AFF1: variants seen among roughly 807,000 people sequenced by gnomAD.
AFF1 encodes the protein AF4/FMR2 family member 1.
In AFF1, 48 loss-of-function variants were observed where a neutral mutation model predicts 121.7. That is an observed-to-expected ratio of 0.39 (90% confidence interval 0.31 to 0.50). The LOEUF (loss-of-function observed/expected upper bound fraction) is 0.50, where lower values mean the gene tolerates loss of function less well. AFF1 is among the 20% of genes least tolerant of loss of function. The pLI is 0.76. For synonymous variants in AFF1, 613 were observed against 563.0 expected (o/e 1.09, Z -1.26); for missense variants, 1,523 against 1,511.7 (o/e 1.01, Z -0.12).
chr4:87,042,689 A>G (rs576779910), intron 2 of AFF1, among the ~76,000 whole-genome samples: 1 of 152,378 alleles, frequency 6.6e-6, no homozygotes, highest in South Asian at 2.1e-4. Context: ...GGGTTTAAAA[A>G]AATTTTTTTG....
At chr4:87,121,934 C>A (rs1476038939) in intron 12 of AFF1, among the ~76,000 whole-genome samples, 1 of 152,212 alleles carries the variant, frequency 6.6e-6, no homozygotes, top group Non-Finnish European at 1.5e-5. Flanking sequence ...CTTATAGTCA[C>A]AACCAGCATG....
intron 2 of AFF1, among the ~76,000 whole-genome samples, chr4:86,986,115 C>T (rs1224062765): frequency 6.6e-6 from 1 of 150,646 alleles, no homozygotes; most frequent in Admixed American, 6.7e-5. Flanking sequence ...CTCTGTTGCC[C>T]AGGCTGGAGT....
At chr4:87,094,534 A>G (rs1477506970) in intron 7 of AFF1, among the ~76,000 whole-genome samples, 1 of 152,144 alleles carries the variant, frequency 6.6e-6, no homozygotes, top group African/African-American at 2.4e-5. Flanking sequence ...GTCTAAAGAG[A>G]GTGATAACAA....
chr4:87,094,156 TC>T (rs1724593713), intron 7 of AFF1, among the ~76,000 whole-genome samples: 1 of 152,158 alleles, frequency 6.6e-6, no homozygotes, highest in Non-Finnish European at 1.5e-5. Flanking sequence ...GTTCCCACTG[TC>T]CTCTCTCTCT....
At chr4:87,026,740 C>T (rs957542208) in intron 2 of AFF1, among the ~76,000 whole-genome samples, 2 of 152,030 alleles carry the variant, frequency 1.3e-5, no homozygotes, top group South Asian at 2.1e-4. Context: ...AAATAATGGG[C>T]GAAGGGAGAT....
rs1365036322 is a variant in AFF1 at position 86,948,558 on chromosome 4, A to T, written c.25A>T (p.Ser9Cys). 2 of 1,536,990 alleles carry T rather than the reference A, an allele frequency of 1.3e-6. No individual in the cohort carries two copies. Among genetic ancestry groups the T allele is most frequent in the East Asian group, 4.9e-5 (2 of 40,880 alleles). MAFTERVN[S>C]SGNSLYNDDR... ...AATGGCATTTACAGAAAGAGTCAAC[A>T]GCAGTGGCAACAGGTAAGCATAGAA... Residue 9 changes from serine to cysteine, a missense_variant, in exon 2 of 21, where the codon AGC becomes TGC. Physicochemically the swap from Ser to Cys is moderately radical, Grantham distance 112. Coordinates refer to ENST00000395146, the MANE Select transcript of AFF1 (RefSeq NM_001166693.3).
chr4:87,112,824 G>A (rs914944842), intron 11 of AFF1, among the ~76,000 whole-genome samples: 5 of 152,132 alleles, frequency 3.3e-5, no homozygotes, highest in East Asian at 3.8e-4. Flanking sequence ...CCACCTCCCC[G>A]AGTGGATCTT....
chr4:87,127,631 CCT>C lies in AFF1; in HGVS notation c.2904-9_2904-8del. 1 of 1,613,740 alleles carries C rather than the reference CCT, an allele frequency of 6.2e-7. No homozygotes were observed. Among genetic ancestry groups the C allele is most frequent in the Non-Finnish European group, 8.5e-7 (1 of 1,179,888 alleles). ...CTCATATGACCTGTCCCTGGTTTTT[CCT>C]CTTTTTCAGACAACAAGCAGACCTT... On this transcript the variant is annotated splice_polypyrimidine_tract_variant and intron_variant, in intron 15 of 20. Coordinates refer to ENST00000395146, the MANE Select transcript of AFF1 (RefSeq NM_001166693.3).
chr4:86,984,248 G>A (rs1287708025), intron 2 of AFF1, among the ~76,000 whole-genome samples: 2 of 150,532 alleles, frequency 1.3e-5, no homozygotes, highest in African/African-American at 2.4e-5. Flanking sequence ...TTTCATAGTC[G>A]TTTCTATGGT....
chr4:87,127,021 T>G lies in AFF1; in HGVS notation c.2812-5T>G. The G allele has an allele frequency of 6.2e-7, 1 of 1,613,194 alleles. No homozygotes were observed. Among genetic ancestry groups the G allele is most frequent in the Non-Finnish European group, 8.5e-7 (1 of 1,179,422 alleles). On this transcript the variant is annotated splice_polypyrimidine_tract_variant and splice_region_variant and intron_variant, in intron 14 of 20. Transcript: ENST00000395146. The stretch of plus-strand genomic sequence containing the variant: ...GTAATCTGTATATTGATTTTTTTTT[T>G]GAAGGGTTCTTCCGGAGATACTGCA...
chr4:87,106,319 G>C (rs959204427), intron 10 of AFF1, among the ~76,000 whole-genome samples: 1 of 152,242 alleles, frequency 6.6e-6, no homozygotes, highest in Non-Finnish European at 1.5e-5. Context: ...GGAGATGGAG[G>C]CTGCAGTGAG....
intron 4 of AFF1, among the ~76,000 whole-genome samples, chr4:87,068,470 T>C (rs1469680316): frequency 6.6e-6 from 1 of 152,212 alleles, no homozygotes; most frequent in Non-Finnish European, 1.5e-5. Context: ...TTAAATCCCA[T>C]AGATTTTTCC....
At chr4:87,043,019 A>AGGACTCTGAGCAGCCTGTTAGTTGAGGT (rs1481967231) in intron 2 of AFF1, among the ~76,000 whole-genome samples, 2 of 152,230 alleles carry the variant, frequency 1.3e-5, no homozygotes, top group Non-Finnish European at 2.9e-5. Context: ...GAGAAAATTG[A>AGGACTCTGAGCAGCCTGTTAGTTGAGGT]GGACTCTGAG....
At chr4:86,976,916 A>G (rs1368281554) in intron 2 of AFF1, among the ~76,000 whole-genome samples, 1 of 152,198 alleles carries the variant, frequency 6.6e-6, no homozygotes, top group South Asian at 2.1e-4. Context: ...CTACCTTGTC[A>G]GGTTATTGTA....
intron 12 of AFF1, among the ~76,000 whole-genome samples, chr4:87,124,059 AG>A (rs1299501922): frequency 6.6e-6 from 1 of 152,198 alleles, no homozygotes; most frequent in Non-Finnish European, 1.5e-5. Context: ...GCCGTCAGGG[AG>A]TCTGCATGTC....
intron 8 of AFF1, among the ~76,000 whole-genome samples, chr4:87,096,342 C>T (rs1578241175): frequency 8.4e-6 from 1 of 119,576 alleles, no homozygotes; most frequent in Non-Finnish European, 1.7e-5. Flanking sequence ...CTTGCTCTGT[C>T]ACCCAGGCTG....
chr4:87,072,868 C>T (rs17012361), intron 4 of AFF1, among the ~76,000 whole-genome samples: 11,747 of 152,054 alleles, frequency 0.077, 1,018 homozygotes, highest in African/African-American at 0.21. Flanking sequence ...TGGCGTTTGT[C>T]GAATGATGGA....
intron 4 of AFF1, among the ~76,000 whole-genome samples, chr4:87,064,008 A>G (rs1721078640): frequency 6.6e-6 from 1 of 152,228 alleles, no homozygotes; most frequent in African/African-American, 2.4e-5. Context: ...AAGTTTTTAA[A>G]TGTTACACTT....
At chr4:87,111,543 G>A (rs1160851695) in intron 11 of AFF1, among the ~76,000 whole-genome samples, 2 of 151,622 alleles carry the variant, frequency 1.3e-5, no homozygotes, top group South Asian at 2.1e-4. Flanking sequence ...TAGTAGAGAC[G>A]GGGTTTCACC....
Sources: allele counts gnomAD v4.1 joint callset (sites outside exome capture counted in the v4.1 genomes callset), GRCh38; gene constraint gnomAD v4.1.1; transcripts MANE v1.5; gene names NCBI Gene and HGNC (gene_info 2026-07-23, HGNC 2026-07-21).